The following UBE2K variants were observed in gnomAD, a reference collection of about 807,000 sequenced individuals.
The protein encoded by UBE2K is ubiquitin-conjugating enzyme E2 K.
A neutral mutation model predicts 30.0 loss-of-function variants in UBE2K; 6 were observed. The ratio of observed to expected loss-of-function variants is 0.20; its 90% CI spans 0.11 to 0.39. The LOEUF is 0.39. Ranked by LOEUF, UBE2K falls within the 10% of genes least tolerant of loss-of-function variation. The pLI, the probability that UBE2K is intolerant of heterozygous loss-of-function variation, is 1.00. For synonymous variants in UBE2K, 86 were observed against 83.7 expected (o/e 1.03, Z -0.15); for missense variants, 61 against 241.6 (o/e 0.25, Z 4.96).
intron 4 of UBE2K, among the ~76,000 whole-genome samples, 168 bp downstream of exon 4, chr4:39,755,907 C>A (rs1721497568): frequency 6.6e-6 from 1 of 152,172 alleles, no homozygotes; most frequent in Non-Finnish European, 1.5e-5. Context: ...ATTGAGATCA[C>A]AATCCATATT....
At chr4:39,703,438 A>C (rs958200072) in intron 1 of UBE2K, among the ~76,000 whole-genome samples, 1 of 152,072 alleles carries the variant, frequency 6.6e-6, no homozygotes, top group Admixed American at 6.6e-5. Flanking sequence ...GCTTGAGCCC[A>C]TGAGGTCAAG....
intron 4 of UBE2K, among the ~76,000 whole-genome samples, chr4:39,767,904 A>G (rs1712454382): frequency 6.6e-6 from 1 of 152,152 alleles, no homozygotes; most frequent in Non-Finnish European, 1.5e-5. Context: ...GACACCATGG[A>G]TTTTAAAATT....
chr4:39,724,963 G>T (rs1399849434), intron 1 of UBE2K, among the ~76,000 whole-genome samples: 2 of 152,080 alleles, frequency 1.3e-5, no homozygotes, highest in African/African-American at 4.8e-5. Flanking sequence ...TTGTCTTGGG[G>T]TTCCTTAGAG....
intron 1 of UBE2K, among the ~76,000 whole-genome samples, chr4:39,706,323 C>T (rs1296852680): frequency 6.6e-6 from 1 of 151,816 alleles, no homozygotes; most frequent in African/African-American, 2.4e-5. Context: ...GCCACAATAC[C>T]CAGCTAATTT....
Position 39,779,042 on chromosome 4 carries a change from A to ACCCC in UBE2K, c.*613_*616dup, listed in dbSNP as rs3839130. On this transcript the variant is annotated 3_prime_UTR_variant, in exon 7 of 7. Transcript: ENST00000261427. Reference sequence around the variant, plus strand: ...TGGGACAGTGTCTGATTCCCCCTTCACCCCCCCCACCCCCGCCTTGCCACA... The same window carrying ACCCC: ...TGGGACAGTGTCTGATTCCCCCTTCACCCCCCCCCCCCACCCCCGCCTTGCCACA... 2.3e-4 allele frequency: 29 copies of ACCCC among 128,310 alleles called. No individual in the cohort carries two copies. Among genetic ancestry groups the ACCCC allele is most frequent in the Middle Eastern group, 4.0e-3 (1 of 250 alleles). 7.9% of individuals were successfully genotyped at this position (128,310 alleles called of 1,614,324 possible).
At chr4:39,732,623 T>C (rs1720134042) in intron 1 of UBE2K, among the ~76,000 whole-genome samples, 1 of 151,912 alleles carries the variant, frequency 6.6e-6, no homozygotes, top group South Asian at 2.1e-4. Context: ...ATGTATATCT[T>C]AATAAAATAG....
At chr4:39,774,390 G>A (rs771802555) in intron 4 of UBE2K, among the ~76,000 whole-genome samples, 1 of 151,776 alleles carries the variant, frequency 6.6e-6, no homozygotes, top group Non-Finnish European at 1.5e-5. Context: ...GGCGGATTAC[G>A]AGGTCAGGAG....
At chr4:39,750,920 T>G (rs1408143473) in intron 3 of UBE2K, among the ~76,000 whole-genome samples, 1 of 151,732 alleles carries the variant, frequency 6.6e-6, no homozygotes, top group Non-Finnish European at 1.5e-5. Context: ...AATTTTTTTG[T>G]ATTTTGTAGA....
intron 1 of UBE2K, among the ~76,000 whole-genome samples, chr4:39,702,134 G>A (rs1718047747): frequency 6.6e-6 from 1 of 151,344 alleles, no homozygotes. Flanking sequence ...CCTTAAATCA[G>A]TGCACTCTCT....
intron 4 of UBE2K, among the ~76,000 whole-genome samples, chr4:39,772,033 C>A (rs1051662258): frequency 2.0e-5 from 3 of 152,228 alleles, no homozygotes; most frequent in Admixed American, 1.3e-4. Context: ...GACAGTGTTT[C>A]GCCATGTTGC....
intron 1 of UBE2K, among the ~76,000 whole-genome samples, chr4:39,734,830 T>C (rs1449930659): frequency 6.6e-6 from 1 of 152,036 alleles, no homozygotes; most frequent in Non-Finnish European, 1.5e-5. Flanking sequence ...AATAATAATT[T>C]GGGGGTGATG....
intron 1 of UBE2K, among the ~76,000 whole-genome samples, chr4:39,725,330 A>G (rs1047629121): frequency 7.2e-6 from 1 of 139,758 alleles, no homozygotes; most frequent in African/African-American, 2.7e-5. Context: ...GTGAGCCATG[A>G]TCATGCCACT....
chr4:39,746,041 A>G (rs1487060313), intron 3 of UBE2K, among the ~76,000 whole-genome samples: 6 of 152,068 alleles, frequency 3.9e-5, no homozygotes, highest in Non-Finnish European at 7.4e-5. Flanking sequence ...CTGGAATAGG[A>G]TGTACATCTG....
At chr4:39,737,094 G>T (rs565615775) in intron 1 of UBE2K, among the ~76,000 whole-genome samples, 2 of 152,136 alleles carry the variant, frequency 1.3e-5, no homozygotes, top group African/African-American at 4.8e-5. Flanking sequence ...TAGATTTATC[G>T]CTTTGGGCCT....
At chr4:39,711,505 T>C (rs1362222259) in intron 1 of UBE2K, among the ~76,000 whole-genome samples, 1 of 152,012 alleles carries the variant, frequency 6.6e-6, no homozygotes, top group Admixed American at 6.6e-5. Flanking sequence ...TTGTGCTAGT[T>C]CTTTAATACA....
At chr4:39,712,567 G>T (rs1242514640) in intron 1 of UBE2K, among the ~76,000 whole-genome samples, 2 of 151,448 alleles carry the variant, frequency 1.3e-5, no homozygotes, top group African/African-American at 2.4e-5. Context: ...GATTATAGAC[G>T]CATGCCACCA....
intron 2 of UBE2K, among the ~76,000 whole-genome samples, chr4:39,737,985 AAG>A (rs1417869488): frequency 1.3e-5 from 2 of 152,146 alleles, no homozygotes; most frequent in African/African-American, 4.8e-5. Context: ...TTATTCAGGA[AAG>A]CTTTTAGTGA....
intron 3 of UBE2K, among the ~76,000 whole-genome samples, chr4:39,755,395 G>C (rs1721475247): frequency 6.6e-6 from 1 of 152,044 alleles, no homozygotes; most frequent in Admixed American, 6.6e-5. Flanking sequence ...CATTATTCTA[G>C]GTAAATTGTA....
chr4:39,698,413 T>C (rs1717812825), intron 1 of UBE2K, 23 bp downstream of exon 1: 3 of 1,601,362 alleles, frequency 1.9e-6, no homozygotes, highest in Non-Finnish European at 8.5e-7. Context: ...CTCCCGGATA[T>C]CCCCCACCTC....
Sources: gnomAD v4.1 joint callset for allele counts (sites outside exome capture counted in the v4.1 genomes callset) on GRCh38, gnomAD v4.1.1 for gene constraint, MANE v1.5 for transcripts, NCBI Gene and HGNC (gene_info 2026-07-23, HGNC 2026-07-21) for gene names.